SDK1: variants seen among roughly 807,000 people sequenced by gnomAD.
SDK1 encodes protein sidekick-1.
SDK1 carries 157 observed loss-of-function variants against 245.5 expected under a neutral mutation model. That is an observed-to-expected ratio of 0.64 (90% confidence interval 0.56 to 0.73). SDK1 has a LOEUF of 0.73. Among genes scored for constraint, SDK1 ranks in the 30% least tolerant of loss-of-function variants. The pLI, the probability that SDK1 is intolerant of heterozygous loss-of-function variation, is 0.00. For missense variants in SDK1, 3,583 were observed against 3,002.3 expected (o/e 1.19, Z -4.52); for synonymous variants, 1,647 against 1,278.5 (o/e 1.29, Z -6.15).
intron 5 of SDK1, among the ~76,000 whole-genome samples, chr7:3,857,694 A>AG (rs1402267355): frequency 2.6e-5 from 4 of 152,052 alleles, no homozygotes; most frequent in Admixed American, 6.5e-5. Context: ...CTCAAAAAAA[A>AG]AAAATGAAAG....
At chr7:3,590,450 A>C (rs1780832261) in intron 1 of SDK1, among the ~76,000 whole-genome samples, 1 of 152,152 alleles carries the variant, frequency 6.6e-6, no homozygotes, top group Non-Finnish European at 1.5e-5. Context: ...AAATTTAATG[A>C]CAAACTATAC....
chr7:3,392,477 G>C (rs1195036260), intron 1 of SDK1, among the ~76,000 whole-genome samples: 1 of 151,756 alleles, frequency 6.6e-6, no homozygotes, highest in African/African-American at 2.4e-5. Context: ...CATAGAATTT[G>C]TCATTTTAAC....
intron 5 of SDK1, among the ~76,000 whole-genome samples, chr7:3,843,490 TAA>T (rs1284218947): frequency 6.6e-6 from 1 of 152,264 alleles, no homozygotes; most frequent in South Asian, 2.1e-4. Flanking sequence ...TCAAATTAAC[TAA>T]AGTCAACCTG....
chr7:3,583,551 A>G (rs538669509), intron 1 of SDK1, among the ~76,000 whole-genome samples: 1 of 152,312 alleles, frequency 6.6e-6, no homozygotes, highest in South Asian at 2.1e-4. Context: ...TGATTTCTTT[A>G]TCATTCACTG....
chr7:3,917,062 A>C (rs1779409655), intron 5 of SDK1, among the ~76,000 whole-genome samples: 1 of 152,256 alleles, frequency 6.6e-6, no homozygotes, highest in African/African-American at 2.4e-5. Context: ...ATCCCTTAAC[A>C]AACTGATGAC....
intron 38 of SDK1, among the ~76,000 whole-genome samples, chr7:4,215,570 A>G (rs1413624541): frequency 6.6e-6 from 1 of 152,200 alleles, no homozygotes; most frequent in African/African-American, 2.4e-5. Context: ...TGGGCCAGCC[A>G]ACCCCCAGTG....
intron 13 of SDK1, among the ~76,000 whole-genome samples, chr7:3,983,305 A>G (rs767112872): frequency 6.6e-6 from 1 of 152,184 alleles, no homozygotes; most frequent in Non-Finnish European, 1.5e-5. Flanking sequence ...CTTTCATGAG[A>G]GGAAGAGTCC....
intron 4 of SDK1, among the ~76,000 whole-genome samples, chr7:3,712,913 C>G (rs924002169): frequency 1.3e-5 from 2 of 152,194 alleles, no homozygotes; most frequent in Admixed American, 1.3e-4. Flanking sequence ...TGGATTCTCT[C>G]CTTTGGTTAG....
intron 28 of SDK1, among the ~76,000 whole-genome samples, chr7:4,143,611 C>A (rs576535272): frequency 7.2e-5 from 11 of 152,220 alleles, no homozygotes; most frequent in Non-Finnish European, 1.3e-4. Context: ...TGTGTCCTTC[C>A]TTTGAAGGGC....
At chr7:4,150,257 G>T (rs995881959) in intron 30 of SDK1, among the ~76,000 whole-genome samples, 2 of 152,146 alleles carry the variant, frequency 1.3e-5, no homozygotes, top group Non-Finnish European at 2.9e-5. Flanking sequence ...GGGCCACCCG[G>T]GACACCCGCC....
intron 25 of SDK1, among the ~76,000 whole-genome samples, chr7:4,121,836 G>C (rs907978060): frequency 6.6e-5 from 10 of 152,176 alleles, no homozygotes; most frequent in Non-Finnish European, 5.9e-5. Flanking sequence ...GCTTATGGAA[G>C]GGTATTTTTT....
intron 8 of SDK1, among the ~76,000 whole-genome samples, chr7:3,961,038 G>T (rs974254070): frequency 6.6e-6 from 1 of 152,214 alleles, no homozygotes; most frequent in African/African-American, 2.4e-5. Flanking sequence ...AACTCCCTTT[G>T]ACAAGAGAAA....
At chr7:3,568,256 C>G (rs1355128879) in intron 1 of SDK1, among the ~76,000 whole-genome samples, 1 of 152,162 alleles carries the variant, frequency 6.6e-6, no homozygotes, top group Admixed American at 6.5e-5. Context: ...TGCATAACTT[C>G]ATATGCATTT....
chr7:4,054,691 C>T (rs781268481), intron 19 of SDK1, among the ~76,000 whole-genome samples: 1 of 152,112 alleles, frequency 6.6e-6, no homozygotes, highest in African/African-American at 2.4e-5. Flanking sequence ...ACCAGACATC[C>T]TTGCCTGCTT....
At chr7:4,193,831 G>A (rs1305477051) in intron 35 of SDK1, among the ~76,000 whole-genome samples, 2 of 152,126 alleles carry the variant, frequency 1.3e-5, no homozygotes, top group Non-Finnish European at 2.9e-5. Flanking sequence ...ATCACTTTGT[G>A]CATTGAACTT....
In SDK1 at chr7:4,012,212, G is replaced by T. The variant is rs202017032; in HGVS notation, c.2397G>T (p.Gly799=). 1.8e-5 allele frequency: 27 copies of T among 1,541,028 alleles called. No homozygotes were observed. The highest frequency in any genetic ancestry group is 4.1e-5 in the Admixed American group (2 of 48,794). ...WQPPPETEHN[G]VLRGYILRYR... ...CACCCCCAGAAACAGAGCACAACGG[G>T]GTGTTGCGTGGATACATCCTCAGGC... Residue 799 remains glycine (G), a synonymous_variant, in exon 16 of 45, where the codon GGG becomes GGT. Coordinates refer to ENST00000404826, the MANE Select transcript of SDK1 (RefSeq NM_152744.4).
chr7:3,655,448 A>AATATATACATAT (rs1783135650), intron 4 of SDK1, among the ~76,000 whole-genome samples: 1 of 66,334 alleles, frequency 1.5e-5, no homozygotes, highest in Non-Finnish European at 2.5e-5. Context: ...AAACAAAACA[A>AATATATACATAT]ATATATATAT....
chr7:3,843,804 G>C (rs552550645), intron 5 of SDK1, among the ~76,000 whole-genome samples: 1 of 152,246 alleles, frequency 6.6e-6, no homozygotes, highest in African/African-American at 2.4e-5. Flanking sequence ...GCTTGAGCCA[G>C]ATGAACTCTA....
intron 1 of SDK1, among the ~76,000 whole-genome samples, chr7:3,450,152 C>T (rs1780467627): frequency 6.6e-6 from 1 of 152,188 alleles, no homozygotes. Flanking sequence ...GTCCGTTATT[C>T]TGTATAATTG....
Sources: allele counts gnomAD v4.1 joint callset (sites outside exome capture counted in the v4.1 genomes callset), GRCh38; gene constraint gnomAD v4.1.1; transcripts MANE v1.5; gene names NCBI Gene and HGNC (gene_info 2026-07-23, HGNC 2026-07-21).